Variants in PAXBP1 observed in about 807,000 individuals in gnomAD.
PAXBP1 encodes the protein PAX3- and PAX7-binding protein 1.
A neutral mutation model predicts 119.9 loss-of-function variants in PAXBP1; 44 were observed. That is an observed-to-expected ratio of 0.37 (90% CI 0.29 to 0.47). The LOEUF is 0.47. PAXBP1 is among the 20% of genes least tolerant of loss of function. PAXBP1 has a pLI of 0.99. For synonymous variants in PAXBP1, 393 were observed against 406.6 expected (o/e 0.97, Z 0.40); for missense variants, 898 against 1,134.1 (o/e 0.79, Z 2.99).
At chr21:32,741,257 C>A (rs905577412) in intron 15 of PAXBP1, 2 of 300,014 alleles carry the variant, frequency 6.7e-6, no homozygotes, top group East Asian at 1.3e-4. Context: ...CTGTTCATAA[C>A]CAAATTGGAA....
At chr21:32,757,420 TAATTA>T (rs1421211888) in intron 7 of PAXBP1, among the ~76,000 whole-genome samples, 1 of 152,214 alleles carries the variant, frequency 6.6e-6, no homozygotes, top group Non-Finnish European at 1.5e-5. Flanking sequence ...ACCTCTCTTT[TAATTA>T]AAACGTAGTC....
rs115041463 is a variant in PAXBP1 at position 32,769,290 on chromosome 21, T to C, written c.472+524A>G. 1.3e-3 allele frequency among the ~76,000 whole-genome samples: 195 copies of C among 152,230 alleles called. 2 individuals carry two copies. Among genetic ancestry groups the C allele is most frequent in the African/African-American group, 4.5e-3 (185 of 41,542 alleles). On this transcript the variant is annotated intron_variant, in intron 2 of 17. Transcript: ENST00000331923. ...CTGAGGTTTTGAGAGACGTAAGAGA[T>C]GTCTGTACAATATACCTGCCTCATT...
intron 2 of PAXBP1, 55 bp from the exon 3 acceptor site, chr21:32,764,579 G>C: frequency 1.3e-5 from 18 of 1,384,362 alleles, no homozygotes; most frequent in Non-Finnish European, 1.6e-5. Context: ...AATTAAGAAA[G>C]TTTATTCCAA....
intron 7 of PAXBP1, among the ~76,000 whole-genome samples, chr21:32,757,183 G>A (rs868466514): frequency 5.3e-5 from 8 of 151,856 alleles, no homozygotes; most frequent in Admixed American, 4.6e-4. Flanking sequence ...ATCTTTTTAC[G>A]GTTAACTCTG....
At chr21:32,755,192 T>C in intron 8 of PAXBP1, 38 bp downstream of exon 8, 1 of 1,579,850 alleles carries the variant, frequency 6.3e-7, no homozygotes, top group Non-Finnish European at 8.6e-7. Flanking sequence ...TAAACAAGGT[T>C]GTTTAATGAA....
At chr21:32,767,330 A>G (rs1188696573) in intron 2 of PAXBP1, among the ~76,000 whole-genome samples, 2 of 152,180 alleles carry the variant, frequency 1.3e-5, no homozygotes, top group Non-Finnish European at 2.9e-5. Context: ...ATGACAACCT[A>G]CAATACAATC....
In PAXBP1 at chr21:32,755,306, T is replaced by C; in HGVS notation, c.1431A>G (p.Lys477=). 2 of 1,613,592 alleles carry C rather than the reference T, an allele frequency of 1.2e-6. No homozygotes were observed. Among genetic ancestry groups the C allele is most frequent in the Non-Finnish European group, 1.7e-6 (2 of 1,179,710 alleles). Residue 477 remains lysine (K), a synonymous_variant, in exon 8 of 18, where the codon AAA becomes AAG. Coordinates refer to ENST00000331923, the MANE Select transcript of PAXBP1 (RefSeq NM_016631.4). The part of the protein sequence containing the change: ...ELESAIHQLY[K]QRASRLVQRR... The stretch of plus-strand genomic sequence containing the variant: ...TTTGGACAAGGCGGGAAGCTCGCTG[T>C]TTGTACAGCTGATGTATTGCTGATT...
intron 8 of PAXBP1, among the ~76,000 whole-genome samples, chr21:32,753,357 C>T (rs944831123): frequency 7.7e-6 from 1 of 130,312 alleles, no homozygotes; most frequent in Non-Finnish European, 1.6e-5. Flanking sequence ...ACCCGGGAGG[C>T]GGAGGTGGCG....
chr21:32,749,947 AG>A (rs2043934065), intron 10 of PAXBP1, among the ~76,000 whole-genome samples: 2 of 152,194 alleles, frequency 1.3e-5, no homozygotes, highest in South Asian at 4.1e-4. Context: ...CATGAACCTT[AG>A]GTGGATCCTG....
In PAXBP1 at chr21:32,766,683, C is replaced by T. The variant is rs866155249; in HGVS notation, c.473-2159G>A. Among the ~76,000 whole-genome samples, 41 of 152,314 alleles carry T rather than the reference C, an allele frequency of 2.7e-4. 1 individual carries two copies. Among genetic ancestry groups the T allele is most frequent in the Middle Eastern group, 3.4e-3 (1 of 294 alleles). On this transcript the variant is annotated intron_variant, in intron 2 of 17. Transcript: ENST00000331923. ...ACAAACAGCCTTTGATTTCACCCAA[C>T]CTAACCCAATGGCTGCAGCCACGGC...
chr21:32,757,180 T>C (rs2044056885), intron 7 of PAXBP1, among the ~76,000 whole-genome samples: 1 of 152,162 alleles, frequency 6.6e-6, no homozygotes, highest in African/African-American at 2.4e-5. Context: ...TTTATCTTTT[T>C]ACGGTTAACT....
At chr21:32,762,031 C>A in intron 4 of PAXBP1, 65 bp downstream of exon 4, 2 of 1,544,930 alleles carry the variant, frequency 1.3e-6, no homozygotes, top group South Asian at 1.2e-5. Context: ...TGGAATGACA[C>A]CCTGCCTTAA....
At chr21:32,759,403 CT>C (rs2044099259) in intron 6 of PAXBP1, 134 bp from the exon 7 acceptor site, 2 of 943,742 alleles carry the variant, frequency 2.1e-6, no homozygotes, top group Non-Finnish European at 3.1e-6. Context: ...ATCTTTTCCT[CT>C]GTACTGCTTT....
intron 7 of PAXBP1, among the ~76,000 whole-genome samples, chr21:32,758,561 C>T (rs1419193188): frequency 3.5e-5 from 5 of 142,050 alleles, no homozygotes; most frequent in South Asian, 4.5e-4. Context: ...AAATGATATC[C>T]AATGAAATGG....
chr21:32,743,907 T>C (rs1422040608), intron 13 of PAXBP1, among the ~76,000 whole-genome samples, 153 bp from the exon 14 acceptor site: 5 of 152,214 alleles, frequency 3.3e-5, no homozygotes, highest in Non-Finnish European at 7.3e-5. Context: ...TAATTAATAC[T>C]TAATAATCTA....
intron 8 of PAXBP1, chr21:32,751,699 T>C (rs977251197): frequency 6.5e-6 from 1 of 153,196 alleles, no homozygotes; most frequent in African/African-American, 2.4e-5. Context: ...TTTTGCTTTG[T>C]AGAAATTTGT....
chr21:32,769,622 T>C (rs1474562538), intron 2 of PAXBP1, among the ~76,000 whole-genome samples, 192 bp downstream of exon 2: 3 of 152,244 alleles, frequency 2.0e-5, no homozygotes, highest in African/African-American at 7.2e-5. Flanking sequence ...TGGCAACAAT[T>C]CTGTCTTCTT....
chr21:32,755,147 C>A, intron 8 of PAXBP1, 83 bp downstream of exon 8: 4 of 1,344,354 alleles, frequency 3.0e-6, no homozygotes, highest in Non-Finnish European at 3.9e-6. Flanking sequence ...AAAAAAAGCT[C>A]CAAGATCTCT....
intron 5 of PAXBP1, among the ~76,000 whole-genome samples, chr21:32,760,357 CTT>C (rs1241070092): frequency 1.3e-5 from 2 of 152,168 alleles, no homozygotes; most frequent in African/African-American, 2.4e-5. Flanking sequence ...CAGTCCAAGA[CTT>C]TCTCTATTGT....
Sources: allele counts gnomAD v4.1 joint callset (sites outside exome capture counted in the v4.1 genomes callset), GRCh38; gene constraint gnomAD v4.1.1; transcripts MANE v1.5; gene names NCBI Gene and HGNC (gene_info 2026-07-23, HGNC 2026-07-21).